Variants in TIGD7 observed in about 807,000 individuals in gnomAD.
TIGD7 encodes the protein tigger transposable element derived 7.
In TIGD7, 26 loss-of-function variants were observed where a neutral mutation model predicts 24.8. The observed-to-expected ratio is 1.05, with a 90% CI of 0.77 to 1.45. The LOEUF (loss-of-function observed/expected upper bound fraction) is 1.45. TIGD7 is among the 40% of genes most tolerant of loss of function. The pLI is 0.00. For missense variants in TIGD7, 679 were observed against 641.6 expected, an observed-to-expected ratio of 1.06 and a Z score of -0.63; for synonymous variants, 221 against 224.1, an observed-to-expected ratio of 0.99 and a Z score of 0.12.
Position 3,299,073 on chromosome 16 carries a change from T to C in TIGD7, c.1542A>G (p.Lys514=), listed in dbSNP as rs779874893. 1.1e-5 allele frequency: 16 copies of C among 1,419,758 alleles called. No homozygotes were observed. Among genetic ancestry groups the C allele is most frequent in the African/African-American group, 8.8e-5 (6 of 67,810 alleles). The allele number at this position is 1,419,758 out of a possible 1,614,324, so 87.9% of individuals were successfully genotyped here. ...TAGAATGGATTTTACTCTGGAACTGTTTCTTGACTATTTCTTGTTGCATCT... is the reference window on the plus strand; with the variant it reads ...TAGAATGGATTTTACTCTGGAACTGCTTCTTGACTATTTCTTGTTGCATCT... ...LKEMQQEIVK[K]QFQSKIHSRI... The change falls in exon 2 of 2, where the codon AAA becomes AAG. Residue 514 remains lysine (K), a synonymous_variant. Transcript: ENST00000396862.
intron 1 of TIGD7, chr16:3,304,894 A>G (rs1437548701): frequency 6.6e-6 from 1 of 152,240 alleles, no homozygotes; most frequent in Non-Finnish European, 1.5e-5. Context: ...AGCGGCCGCC[A>G]CTGCTGAGCT....
chr16:3,299,441 G>GT lies in TIGD7; in HGVS notation c.1173dup (p.Gln392ThrfsTer18). On this transcript the variant is annotated frameshift_variant, in exon 2 of 2. Transcript: ENST00000396862. LOFTEE classifies it low-confidence loss of function (END_TRUNC). ...TCCCATGCATTTGCTATGGTTATTT[G>GT]TTTTACTTCTTCCCAACTTTTTGCC... is the stretch of plus-strand genomic sequence containing the variant. The GT allele has an allele frequency of 6.4e-7, 1 of 1,557,062 alleles. No individual in the cohort carries two copies. Among genetic ancestry groups the GT allele is most frequent in the Middle Eastern group, 1.7e-4 (1 of 5,836 alleles).
Position 3,298,886 on chromosome 16 carries a change from AAAT to A in TIGD7, c.*76_*78del, listed in dbSNP as rs1959845431. Reference sequence around the variant, plus strand: ...TTATATAAATGGGCACTGATATACAAAATAATGTCAGTTGCTAAAACAAGACAA... The same window carrying A: ...TTATATAAATGGGCACTGATATACAAAATGTCAGTTGCTAAAACAAGACAA... On this transcript the variant is annotated 3_prime_UTR_variant, in exon 2 of 2. Coordinates refer to ENST00000396862, the MANE Select transcript of TIGD7 (RefSeq NM_033208.4). The A allele has an allele frequency of 1.9e-6, 1 of 523,874 alleles. No homozygotes were observed. The highest frequency in any genetic ancestry group is 3.1e-6 in the Non-Finnish European group (1 of 318,170). 32.5% of individuals were successfully genotyped at this position (523,874 alleles called of 1,614,324 possible).
intron 1 of TIGD7, chr16:3,304,695 C>A (rs544546960): frequency 3.3e-5 from 5 of 152,188 alleles, no homozygotes; most frequent in African/African-American, 7.2e-5. Flanking sequence ...TCAGAGATCA[C>A]TGAACACCCA....
At position 3,299,668 on chromosome 16, in the gene TIGD7, C is replaced by T; in HGVS notation, c.947G>A (p.Cys316Tyr). 2 of 1,549,250 alleles carry T rather than the reference C, an allele frequency of 1.3e-6. No homozygotes were observed. Among genetic ancestry groups the T allele is most frequent in the Non-Finnish European group, 8.7e-7 (1 of 1,154,892 alleles). Residue 316 changes from cysteine to tyrosine, a missense_variant, in exon 2 of 2, where the codon TGT becomes TAT. Coordinates refer to ENST00000396862, the MANE Select transcript of TIGD7 (RefSeq NM_033208.4). ...TGAAGTGTTATGGGGGAAGAACATA[C>T]ATTTTATTCGACCATCCTCACTGGT... ...SLTSEDGRIKCMFFPHNTSTL... is the reference protein window; with the variant it reads ...SLTSEDGRIKYMFFPHNTSTL...
chr16:3,303,433 C>T (rs968595371), intron 1 of TIGD7, among the ~76,000 whole-genome samples: 4 of 152,146 alleles, frequency 2.6e-5, no homozygotes, highest in African/African-American at 9.7e-5. Context: ...TTAATAAATT[C>T]TAATTATATA....
At chr16:3,302,101 C>T (rs549565409) in intron 1 of TIGD7, 92 bp from the exon 2 acceptor site, 1 of 152,998 alleles carries the variant, frequency 6.5e-6, no homozygotes, top group African/African-American at 2.4e-5. Context: ...TCTGACTGGC[C>T]CATTCATTCC....
At chr16:3,302,789 G>A (rs1014901752) in intron 1 of TIGD7, among the ~76,000 whole-genome samples, 2 of 149,286 alleles carry the variant, frequency 1.3e-5, no homozygotes, top group African/African-American at 4.9e-5. Flanking sequence ...AGGTGTCTCA[G>A]AATTAATGTA....
chr16:3,300,413 T>C lies in TIGD7; in HGVS notation c.202A>G (p.Lys68Glu). The change falls in exon 2 of 2, where the codon AAG becomes GAG. Residue 68 changes from lysine to glutamate, a missense_variant. Lys to Glu is a moderately conservative substitution (Grantham distance 56). Transcript: ENST00000396862. ...TTGGCTCCCGTTGTCCTCTTTCTCT[T>C]CTCAGCCCCTACTAATGGCATGTCC... The part of the protein sequence containing the change: ...KQDMPLVGAE[K>E]RKRTTGAKYG... The C allele has an allele frequency of 1.9e-6, 3 of 1,614,216 alleles. No homozygotes were observed. The highest frequency in any genetic ancestry group is 2.5e-6 in the Non-Finnish European group (3 of 1,180,042).
At chr16:3,302,876 C>T (rs138261682) in intron 1 of TIGD7, among the ~76,000 whole-genome samples, 27 of 130,716 alleles carry the variant, frequency 2.1e-4, no homozygotes, top group African/African-American at 7.3e-4. Flanking sequence ...CTGGTTCTGT[C>T]GCCCAGGCTG....
rs1279322259 is a variant in TIGD7 at position 3,299,839 on chromosome 16, C to G, written c.776G>C (p.Arg259Thr). ...YKPSKDVWFT[R>T]ELFSEWFFQN... ...AAAAAACCATTCTGAAAACAATTCT[C>G]TGGTGAACCAAACATCTTTACTGGG... The change falls in exon 2 of 2, where the codon AGA (arginine) becomes ACA (threonine). Residue 259 changes from arginine (R) to threonine (T), a missense_variant. Transcript: ENST00000396862. 1.3e-6 allele frequency: 2 copies of G among 1,592,140 alleles called. No homozygotes were observed. Among genetic ancestry groups the G allele is most frequent in the Non-Finnish European group, 8.5e-7 (1 of 1,171,328 alleles).
In TIGD7 at chr16:3,305,200, G is replaced by A. The variant is rs1416425942; in HGVS notation, c.-1396+12C>T. The A allele has an allele frequency of 6.6e-6, 1 of 152,252 alleles. No individual in the cohort carries two copies. The highest frequency in any genetic ancestry group is 6.5e-5 in the Admixed American group (1 of 15,292). The allele number at this position is 152,252 out of a possible 1,614,324, so 9.4% of individuals were successfully genotyped here. A position where few individuals can be genotyped will look rare whatever the true frequency, so the allele number is the denominator to read the frequency against. ...GAGAACGCGGCGCGCGCAGCTGGGA[G>A]GCGACCCTTACCCGGCGAGGCTCCC... On this transcript the variant is annotated intron_variant, in intron 1 of 1. Transcript: ENST00000396862.
Position 3,300,632 on chromosome 16 carries a change from A to C in TIGD7, c.-18T>G. 1 of 1,533,036 alleles carries C rather than the reference A, an allele frequency of 6.5e-7. No individual in the cohort carries two copies. The highest frequency in any genetic ancestry group is 8.7e-7 in the Non-Finnish European group (1 of 1,143,722). 95.0% of individuals were successfully genotyped at this position (1,533,036 alleles called of 1,614,324 possible). ...TTATTCATACTGAATTTAACTCTGA[A>C]CCACCAACAGGAGAAAACAAAGGGA... On this transcript the variant is annotated 5_prime_UTR_variant, in exon 2 of 2. Transcript: ENST00000396862.
rs954303055 is a variant in TIGD7 at position 3,299,158 on chromosome 16, T to C, written c.1457A>G (p.Tyr486Cys). 4 of 1,539,070 alleles carry C rather than the reference T, an allele frequency of 2.6e-6. No homozygotes were observed. The highest frequency in any genetic ancestry group is 2.6e-6 in the Non-Finnish European group (3 of 1,146,916). ...TGTGGCATCAACAAAGTCAAGAAGGTAGTCCAAACTCTCTCTTACAGCAGA... is the reference window on the plus strand; with the variant it reads ...TGTGGCATCAACAAAGTCAAGAAGGCAGTCCAAACTCTCTCTTACAGCAGA... ...KLSAVRESLD[Y>C]LLDFVDATPE... The change falls in exon 2 of 2, where the codon TAC becomes TGC. Residue 486 changes from tyrosine to cysteine, a missense_variant. Physicochemically the swap from Tyr to Cys is radical, Grantham distance 194 (BLOSUM62 -2). Transcript: ENST00000396862.
chr16:3,300,546 T>C lies in TIGD7; in HGVS notation c.69A>G (p.Glu23=), dbSNP rs1480761049. 6.2e-7 allele frequency: 1 copy of C among 1,613,166 alleles called. No individual in the cohort carries two copies. Among genetic ancestry groups the C allele is most frequent in the African/African-American group, 1.3e-5 (1 of 74,828 alleles). The change falls in exon 2 of 2, where the codon GAA becomes GAG. Residue 23 remains glutamate, a synonymous_variant. Transcript: ENST00000396862. ...EEKMKVLSRI[E]AGRSLKSVMD... Reference sequence around the variant, plus strand: ...TTACACTTTTAAGTGATCGTCCAGCTTCAATTCTACTTAGAACCTTCATTT... The same window carrying C: ...TTACACTTTTAAGTGATCGTCCAGCCTCAATTCTACTTAGAACCTTCATTT...
In TIGD7 at chr16:3,304,601, A is replaced by C. The variant is rs2150783028; in HGVS notation, c.-1396+611T>G. Among the ~76,000 whole-genome samples the C allele has an allele frequency of 3.3e-5, 5 of 152,336 alleles. No homozygotes were observed. The South Asian group carries it at 1.0e-3, about 32-fold the overall frequency. ...ACTGGTATAAGCTGACGTTACAAAA[A>C]CTGGTAATTCCGAAACCACTCATAC... On this transcript the variant is annotated intron_variant, in intron 1 of 1. Transcript: ENST00000396862.
chr16:3,299,568 C>G lies in TIGD7; in HGVS notation c.1047G>C (p.Glu349Asp), dbSNP rs146571613. 1.5e-5 allele frequency: 23 copies of G among 1,535,594 alleles called. No homozygotes were observed. The highest frequency in any genetic ancestry group is 2.6e-5 in the South Asian group (2 of 77,508). ...CACTTTCTTCAAATATTACAAGACT[C>G]TCTTCAAGTTGCTTCCATCTATACA... is the stretch of plus-strand genomic sequence containing the variant. ...KRLYRWKQLE[E>D]SLVIFEESDD... The change falls in exon 2 of 2, where the codon GAG becomes GAC. Residue 349 changes from glutamate to aspartate, a missense_variant. Transcript: ENST00000396862.
chr16:3,299,421 T>C lies in TIGD7; in HGVS notation c.1194A>G (p.Ala398=), dbSNP rs1334649368. Reference sequence around the variant, plus strand: ...CCTTTTTGTAAAGAAGATTTTCCCATGCATTTGCTATGGTTATTTGTTTTA... The same window carrying C: ...CCTTTTTGTAAAGAAGATTTTCCCACGCATTTGCTATGGTTATTTGTTTTA... ...EEVKQITIAN[A]WENLLYKKEP... Residue 398 remains alanine, a synonymous_variant, in exon 2 of 2, where the codon GCA becomes GCG. Transcript: ENST00000396862. 1 of 1,561,714 alleles carries C rather than the reference T, an allele frequency of 6.4e-7. No homozygotes were observed. Among genetic ancestry groups the C allele is most frequent in the East Asian group, 2.3e-5 (1 of 43,324 alleles).
Position 3,299,756 on chromosome 16 carries a change from C to A in TIGD7, c.859G>T (p.Glu287Ter). 1.3e-6 allele frequency: 2 copies of A among 1,547,174 alleles called. No individual in the cohort carries two copies. The highest frequency in any genetic ancestry group is 1.7e-6 in the Non-Finnish European group (2 of 1,151,374). The change falls in exon 2 of 2, where the codon GAG becomes TAG. Residue 287 changes from glutamate (E) to a stop codon, truncating the protein, a stop_gained. Transcript: ENST00000396862. LOFTEE classifies it low-confidence loss of function (END_TRUNC). ...AGAAGTAACAATGCCCTGACGTCCT[C>A]GTCATGAAATCTTAGAACATTAAGT... Reference protein sequence around the residue: ...FQLNVLRFHDEDVRALLLLDS... With the variant: ...FQLNVLRFHD
Sources: gnomAD v4.1 joint callset for allele counts (sites outside exome capture counted in the v4.1 genomes callset) on GRCh38, gnomAD v4.1.1 for gene constraint, MANE v1.5 for transcripts, NCBI Gene and HGNC (gene_info 2026-07-23, HGNC 2026-07-21) for gene names.